CACHD1: variants seen among roughly 807,000 people sequenced by gnomAD.
CACHD1 encodes the protein VWFA and cache domain-containing protein 1.
Under a neutral mutation model 138.7 loss-of-function variants are expected in CACHD1, and 71 were observed. The observed-to-expected ratio is 0.51, with a 90% CI of 0.42 to 0.62. The LOEUF (loss-of-function observed/expected upper bound fraction) is 0.62. CACHD1 is among the 20% of genes least tolerant of loss of function. CACHD1 has a pLI of 0.00. For synonymous variants in CACHD1, 578 were observed against 591.5 expected (o/e 0.98, Z 0.33); for missense variants, 1,389 against 1,625.3 (o/e 0.85, Z 2.50).
chr1:64,617,161 C>CA (rs5774713), intron 4 of CACHD1, among the ~76,000 whole-genome samples: 5 of 148,598 alleles, frequency 3.4e-5, no homozygotes, highest in African/African-American at 9.9e-5. Context: ...CAAAACAAAA[C>CA]AAAAAAAAAA....
rs61731121 is a variant in CACHD1 at position 64,632,722 on chromosome 1, C to T, written c.768C>T (p.Ser256=). The T allele has an allele frequency of 1.5e-3, 2,443 of 1,614,088 alleles. 4 individuals carry two copies. The highest frequency in any genetic ancestry group is 1.9e-3 in the Non-Finnish European group (2,211 of 1,179,978). The part of the protein sequence containing the change: ...IAKDAAQVIL[S]AIDEHDKISV... ...AGGACGCTGCTCAGGTCATCCTCAG[C>T]GCCATCGATGAACATGACAAGGTGA... Residue 256 remains serine (S), a synonymous_variant, in exon 6 of 27, where the codon AGC becomes AGT. Coordinates refer to ENST00000651257, the MANE Select transcript of CACHD1 (RefSeq NM_020925.4).
intron 1 of CACHD1, among the ~76,000 whole-genome samples, chr1:64,513,317 T>TG (rs1055141183): frequency 2.0e-5 from 3 of 152,194 alleles, no homozygotes; most frequent in Non-Finnish European, 4.4e-5. Flanking sequence ...AAGTGTCCCC[T>TG]GGGGGGCTAA....
intron 2 of CACHD1, among the ~76,000 whole-genome samples, chr1:64,564,071 G>A (rs1646862556): frequency 6.6e-6 from 1 of 152,174 alleles, no homozygotes; most frequent in Admixed American, 6.5e-5. Flanking sequence ...AACAGCAGGT[G>A]CAAGTAGAGG....
At position 64,530,924 on chromosome 1, in the gene CACHD1, T is replaced by G. The variant is rs1416717448; in HGVS notation, c.199-19670T>G. Among the ~76,000 whole-genome samples the G allele has an allele frequency of 1.4e-4, 8 of 55,190 alleles. 1 individual carries two copies. The highest frequency in any genetic ancestry group is 6.6e-4 in the South Asian group (1 of 1,508). The allele number at this position is 55,190 out of a possible 152,430, so 36.2% of individuals were successfully genotyped here. A position where few individuals can be genotyped will look rare whatever the true frequency, so the allele number is the denominator to read the frequency against. On this transcript the variant is annotated intron_variant, in intron 1 of 26. Transcript: ENST00000651257. ...AGATGTGTATCAACATTCCATCGTG[T>G]TTTTTTTTGTTTTTTTTTTTTTTAG...
At chr1:64,581,407 TCCTTGGAG>T (rs1557504308) in intron 2 of CACHD1, among the ~76,000 whole-genome samples, 1 of 152,224 alleles carries the variant, frequency 6.6e-6, no homozygotes, top group Non-Finnish European at 1.5e-5. Context: ...AACACAGTTT[TCCTTGGAG>T]ATCTTTGATG....
At chr1:64,664,985 C>T (rs1304814167) in intron 15 of CACHD1, among the ~76,000 whole-genome samples, 1 of 152,112 alleles carries the variant, frequency 6.6e-6, no homozygotes, top group Non-Finnish European at 1.5e-5. Context: ...GGATAGACTT[C>T]ATTTTACTAC....
Position 64,691,876 on chromosome 1 carries a change from G to C in CACHD1, c.*315G>C, listed in dbSNP as rs1382401688. 4 of 335,832 alleles carry C rather than the reference G, an allele frequency of 1.2e-5. No homozygotes were observed. Among genetic ancestry groups the C allele is most frequent in the South Asian group, 4.2e-5 (1 of 23,684 alleles). 20.8% of individuals were successfully genotyped at this position (335,832 alleles called of 1,614,324 possible). On this transcript the variant is annotated 3_prime_UTR_variant, in exon 27 of 27. Transcript: ENST00000651257. ...AGAGACGGAACCTGCAAGTGAAGCT[G>C]AGCCAGAGGAATGTTCCAAAGAGCC...
chr1:64,523,167 A>G (rs1376543909), intron 1 of CACHD1, among the ~76,000 whole-genome samples: 1 of 152,232 alleles, frequency 6.6e-6, no homozygotes, highest in Non-Finnish European at 1.5e-5. Context: ...CTTATCTTTC[A>G]GAGTTTTATG....
At chr1:64,649,764 G>C (rs1374997864) in intron 9 of CACHD1, among the ~76,000 whole-genome samples, 1 of 152,200 alleles carries the variant, frequency 6.6e-6, no homozygotes, top group African/African-American at 2.4e-5. Context: ...CAAATCACAT[G>C]TAGAACTTTG....
Position 64,525,946 on chromosome 1 carries a change from G to A in CACHD1, c.199-24648G>A, listed in dbSNP as rs56171238. 9.4e-3 allele frequency among the ~76,000 whole-genome samples: 1,433 copies of A among 152,272 alleles called. 15 individuals carry two copies. Among genetic ancestry groups the A allele is most frequent in the Non-Finnish European group, 0.016 (1,092 of 68,024 alleles). On this transcript the variant is annotated intron_variant, in intron 1 of 26. Transcript: ENST00000651257. ...TTAAAAATTATTATTGCTTTTAAAT[G>A]GACAGATGATCCAGGACCTGGAAAG...
chr1:64,557,558 G>C (rs1570363705), intron 2 of CACHD1, among the ~76,000 whole-genome samples: 1 of 152,056 alleles, frequency 6.6e-6, no homozygotes, highest in African/African-American at 2.4e-5. Context: ...TCCTCTAGCA[G>C]CTCTCCCTGC....
chr1:64,652,085 C>A, intron 9 of CACHD1, 76 bp from the exon 10 acceptor site: 1 of 1,284,068 alleles, frequency 7.8e-7, no homozygotes, highest in Non-Finnish European at 1.1e-6. Context: ...CTTCATGATT[C>A]ACCGGAGCAC....
intron 1 of CACHD1, among the ~76,000 whole-genome samples, chr1:64,474,753 A>G (rs1315276872): frequency 6.6e-6 from 1 of 152,274 alleles, no homozygotes; most frequent in Non-Finnish European, 1.5e-5. Context: ...CCAGGCACTT[A>G]TAAGGCCCAT....
At chr1:64,492,873 T>C (rs1557460965) in intron 1 of CACHD1, among the ~76,000 whole-genome samples, 2 of 152,236 alleles carry the variant, frequency 1.3e-5, no homozygotes, top group Non-Finnish European at 2.9e-5. Context: ...GAAAGATGCC[T>C]GTTTTCTTAC....
At chr1:64,655,919 T>C (rs1318608667) in intron 12 of CACHD1, among the ~76,000 whole-genome samples, 1 of 152,234 alleles carries the variant, frequency 6.6e-6, no homozygotes, top group Non-Finnish European at 1.5e-5. Context: ...CATTTAATCA[T>C]CCCTTTACAA....
intron 26 of CACHD1, among the ~76,000 whole-genome samples, chr1:64,683,946 C>T (rs775625316): frequency 1.3e-5 from 2 of 152,214 alleles, no homozygotes; most frequent in Non-Finnish European, 2.9e-5. Flanking sequence ...ACACTTCTTG[C>T]TCATCTGTGT....
intron 1 of CACHD1, among the ~76,000 whole-genome samples, chr1:64,544,996 A>G (rs17395035): frequency 0.033 from 4,954 of 152,190 alleles, 114 homozygotes; most frequent in Non-Finnish European, 0.049. Context: ...TTATCTGTGA[A>G]TTGCTAGGTG....
intron 8 of CACHD1, among the ~76,000 whole-genome samples, chr1:64,642,559 G>A (rs1485161255): frequency 1.3e-5 from 2 of 152,184 alleles, no homozygotes; most frequent in Non-Finnish European, 2.9e-5. Flanking sequence ...AAAGGGTTTA[G>A]TAAATTGGTA....
intron 13 of CACHD1, among the ~76,000 whole-genome samples, chr1:64,661,509 C>T (rs560796054): frequency 8.5e-5 from 13 of 152,276 alleles, no homozygotes; most frequent in African/African-American, 2.4e-4. Context: ...ACTCCAGCCC[C>T]GTGGTGACTC....
Sources: allele counts gnomAD v4.1 joint callset (sites outside exome capture counted in the v4.1 genomes callset), GRCh38; gene constraint gnomAD v4.1.1; transcripts MANE v1.5; gene names NCBI Gene and HGNC (gene_info 2026-07-23, HGNC 2026-07-21).